PRDM11: variants seen among roughly 807,000 people sequenced by gnomAD.
PRDM11 encodes PR/SET domain 11.
PRDM11 carries 20 observed loss-of-function variants against 97.8 expected under a neutral mutation model. That is an observed-to-expected ratio of 0.20 (90% CI 0.14 to 0.30). The LOEUF (loss-of-function observed/expected upper bound fraction) is 0.30, where lower values mean the gene tolerates loss of function less well. Ranked by LOEUF, PRDM11 falls within the 10% of genes least tolerant of loss-of-function variation. The pLI is 1.00. For missense variants in PRDM11, 1,139 were observed against 1,555.2 expected, an observed-to-expected ratio of 0.73 and a Z score of 4.50; for synonymous variants, 599 against 637.7, an observed-to-expected ratio of 0.94 and a Z score of 0.91.
At chr11:45,110,257 A>G (rs963697) in intron 1 of PRDM11, among the ~76,000 whole-genome samples, 3,829 of 152,264 alleles carry the variant, frequency 0.025, 170 homozygotes, top group African/African-American at 0.088. Flanking sequence ...AGACCCAAGA[A>G]GTGGCAGCTA....
rs757956923 is a variant in PRDM11, at chr11:45,227,557, C to T, written c.2932C>T (p.Arg978Cys). 7 of 1,533,902 alleles carry T rather than the reference C, an allele frequency of 4.6e-6. No homozygotes were observed. The highest frequency in any genetic ancestry group is 5.2e-6 in the Non-Finnish European group (6 of 1,146,728). The stretch of plus-strand genomic sequence containing the variant: ...CATCCTGGCTCAGAGGTTCGACTCC[C>T]GCAGCCGGATCTTTGTGAAGGCCTG... ...QVILAQRFDS[R>C]SRIFVKACQV... The change falls in exon 8 of 8, where the codon CGC becomes TGC. Residue 978 changes from arginine to cysteine, a missense_variant. Arg to Cys is a radical substitution (Grantham distance 180, BLOSUM62 -3). This residue lies in a region of PRDM11 where 710 missense variants were observed against 1,044.9 expected (regional missense o/e 0.68). Transcript: ENST00000683152. This position sits in a 1 kb window ranked among gnomAD's most constrained non-coding sequence, Gnocchi z 8.0.
At chr11:45,104,459 G>C (rs991832340) in intron 1 of PRDM11, among the ~76,000 whole-genome samples, 2 of 152,178 alleles carry the variant, frequency 1.3e-5, no homozygotes, top group Non-Finnish European at 2.9e-5. Flanking sequence ...GCTGCTCAAG[G>C]TTGCTGTGAT....
intron 1 of PRDM11, among the ~76,000 whole-genome samples, chr11:45,104,223 C>G (rs1361634351): frequency 2.0e-5 from 3 of 152,194 alleles, no homozygotes; most frequent in African/African-American, 7.2e-5. Context: ...CCTGGCTCTT[C>G]CAGGTGATGA....
chr11:45,104,614 C>T (rs944678594), intron 1 of PRDM11, among the ~76,000 whole-genome samples: 3 of 152,130 alleles, frequency 2.0e-5, no homozygotes, highest in African/African-American at 7.2e-5. Context: ...CCACCTGGGA[C>T]CTCAGCCCCA....
intron 7 of PRDM11, among the ~76,000 whole-genome samples, 171 bp from the exon 8 acceptor site, chr11:45,225,824 G>A (rs1349450491): frequency 2.0e-5 from 3 of 152,208 alleles, no homozygotes; most frequent in African/African-American, 7.2e-5. Flanking sequence ...ACATGGGCAA[G>A]CAGGAGTGCT....
rs184552867 is a variant in PRDM11, at chr11:45,133,431, A to G, written c.96+37530A>G. ...TTCCCAAGATGACTTGCTTTCCCCA[A>G]TTCTCATAACTTTCTGGCCATAACT... On this transcript the variant is annotated intron_variant, in intron 1 of 6. Coordinates refer to the PRDM11 transcript ENST00000530656. Among the ~76,000 whole-genome samples the G allele has an allele frequency of 1.2e-3, 189 of 152,310 alleles. 2 individuals are homozygous for G. Among genetic ancestry groups the G allele is most frequent in the Middle Eastern group, 3.4e-3 (1 of 294 alleles).
chr11:45,172,119 T>G (rs1852217069), intron 1 of PRDM11, among the ~76,000 whole-genome samples: 1 of 152,174 alleles, frequency 6.6e-6, no homozygotes, highest in Admixed American at 6.5e-5. Context: ...AGGAAAGTGA[T>G]TTACTTACTA....
intron 1 of PRDM11, among the ~76,000 whole-genome samples, chr11:45,169,390 A>T (rs1395022465): frequency 6.6e-6 from 1 of 152,256 alleles, no homozygotes; most frequent in Admixed American, 6.5e-5. Context: ...ATATGAGCAC[A>T]TCTAAATGTG....
At chr11:45,159,785 C>A (rs539470211) in intron 1 of PRDM11, among the ~76,000 whole-genome samples, 2 of 152,294 alleles carry the variant, frequency 1.3e-5, no homozygotes, top group East Asian at 3.9e-4. Context: ...CTGCTTTCTT[C>A]TCCTCCTTCC....
intron 1 of PRDM11, among the ~76,000 whole-genome samples, chr11:45,154,855 C>T (rs907100163): frequency 8.5e-5 from 13 of 152,210 alleles, no homozygotes; most frequent in Non-Finnish European, 4.4e-5. Context: ...AGTAACCAAG[C>T]TAACATTCTA....
intron 1 of PRDM11, among the ~76,000 whole-genome samples, chr11:45,121,229 T>C (rs754012325): frequency 7.9e-5 from 12 of 152,070 alleles, no homozygotes; most frequent in Admixed American, 4.6e-4. Flanking sequence ...AATTGTCAGA[T>C]TGAACTAAAA....
At chr11:45,198,034 G>C (rs918519166) in intron 4 of PRDM11, among the ~76,000 whole-genome samples, 1 of 152,054 alleles carries the variant, frequency 6.6e-6, no homozygotes, top group Non-Finnish European at 1.5e-5. Flanking sequence ...AATAATAAAA[G>C]GAAGTTTTGG....
At chr11:45,206,570 C>T (rs983322903) in intron 5 of PRDM11, among the ~76,000 whole-genome samples, 1 of 152,184 alleles carries the variant, frequency 6.6e-6, no homozygotes, top group Non-Finnish European at 1.5e-5. Flanking sequence ...CGAATCTGTT[C>T]CACTCTTTCA....
chr11:45,225,199 G>T (rs1854244871), intron 7 of PRDM11: 3 of 1,151,430 alleles, frequency 2.6e-6, no homozygotes, highest in East Asian at 3.8e-5. Flanking sequence ...CTCAAGCAGG[G>T]TGTCCCACTG....
chr11:45,119,582 A>C (rs977610446), intron 1 of PRDM11, among the ~76,000 whole-genome samples: 11 of 130,192 alleles, frequency 8.4e-5, no homozygotes, highest in African/African-American at 3.2e-4. Context: ...AGTGAGTGCC[A>C]CTGCACTCCA....
intron 1 of PRDM11, chr11:45,147,312 A>C (rs1468586822): frequency 6.7e-6 from 1 of 148,996 alleles, no homozygotes; most frequent in Non-Finnish European, 1.5e-5. Context: ...GCGGACGCCG[A>C]CGCCAGAGGG....
chr11:45,178,179 G>T (rs1421084492), intron 1 of PRDM11, among the ~76,000 whole-genome samples: 2 of 150,300 alleles, frequency 1.3e-5, no homozygotes, highest in Non-Finnish European at 3.0e-5. Context: ...CTTACCCTCC[G>T]TCCTTTATTC....
At chr11:45,203,308 A>G (rs553546437) in intron 4 of PRDM11, among the ~76,000 whole-genome samples, 2 of 152,194 alleles carry the variant, frequency 1.3e-5, no homozygotes, top group Admixed American at 6.5e-5. Flanking sequence ...TAGAAAGGAA[A>G]AAGAAGGAAC....
chr11:45,190,120 T>TAC (rs1015493456), intron 4 of PRDM11, among the ~76,000 whole-genome samples: 1 of 151,552 alleles, frequency 6.6e-6, no homozygotes, highest in Middle Eastern at 3.2e-3. Context: ...TTACACCACC[T>TAC]ACACACACAC....
Sources: allele counts gnomAD v4.1 joint callset (sites outside exome capture counted in the v4.1 genomes callset), GRCh38; gene constraint gnomAD v4.1.1; regional missense constraint gnomAD v4.1.1; non-coding constraint Gnocchi (gnomAD v3.1); transcripts MANE v1.5; gene names NCBI Gene and HGNC (gene_info 2026-07-23, HGNC 2026-07-21).